The following ACCSL variants were observed in gnomAD, a reference collection of about 807,000 sequenced individuals.
ACCSL encodes probable inactive 1-aminocyclopropane-1-carboxylate synthase-like protein 2.
Under a neutral mutation model 61.7 loss-of-function variants are expected in ACCSL, and 55 were observed. That is an observed-to-expected ratio of 0.89 (90% CI 0.72 to 1.12). The LOEUF (loss-of-function observed/expected upper bound fraction) is 1.12. Ranked by LOEUF, ACCSL falls within the 50% of genes most tolerant of loss-of-function variation. The pLI, the probability that ACCSL is intolerant of heterozygous loss-of-function variation, is 0.00. For missense variants in ACCSL, 632 were observed against 698.0 expected (o/e 0.91, Z 1.07); for synonymous variants, 258 against 264.3 (o/e 0.98, Z 0.23).
At chr11:44,046,951 T>C (rs1952601769), upstream of ACCSL, among the ~76,000 whole-genome samples, 1 of 152,250 alleles carries the variant, frequency 6.6e-6, no homozygotes, top group Admixed American at 6.5e-5. Flanking sequence ...CGTTGGAAGT[T>C]TGTTGCAGTA....
At chr11:43,995,876 G>A in the ACCSL span, among the ~76,000 whole-genome samples, 1 of 152,220 alleles carries the variant, frequency 6.6e-6, no homozygotes, top group Admixed American at 6.5e-5. Context: ...AGATATGGAA[G>A]TCCTCCCCTA....
upstream of ACCSL, among the ~76,000 whole-genome samples, chr11:44,046,417 C>T (rs1048141614): frequency 1.3e-5 from 2 of 152,130 alleles, no homozygotes; most frequent in Admixed American, 6.5e-5. Context: ...TGTGGTTATG[C>T]CTCTCCTACT....
chr11:43,942,865 C>T, the ACCSL span: 6 of 1,248,900 alleles, frequency 4.8e-6, no homozygotes, highest in Middle Eastern at 3.1e-4. Flanking sequence ...CGGAGAGCCC[C>T]GGCGCCCCGC....
chr11:43,934,473 C>T, the ACCSL span, among the ~76,000 whole-genome samples: 3 of 152,294 alleles, frequency 2.0e-5, no homozygotes, highest in African/African-American at 4.8e-5. Flanking sequence ...TCCACACACA[C>T]ACGCGCACAC....
chr11:43,933,827 A>C, the ACCSL span, among the ~76,000 whole-genome samples: 1 of 151,882 alleles, frequency 6.6e-6, no homozygotes, highest in Non-Finnish European at 1.5e-5. Flanking sequence ...CCTGCCCCTG[A>C]CTCCACCCTG....
the ACCSL span, among the ~76,000 whole-genome samples, chr11:43,950,166 C>T: frequency 3.3e-5 from 5 of 152,208 alleles, no homozygotes; most frequent in Admixed American, 1.3e-4. Flanking sequence ...CCCCCACCTT[C>T]GAGTTGTTCC....
the ACCSL span, among the ~76,000 whole-genome samples, chr11:43,962,263 G>A: frequency 1.3e-5 from 2 of 152,190 alleles, no homozygotes; most frequent in South Asian, 2.1e-4. Flanking sequence ...ACGGACTCTT[G>A]GACAAATAAT....
At chr11:44,014,659 G>A in the ACCSL span, among the ~76,000 whole-genome samples, 1 of 152,170 alleles carries the variant, frequency 6.6e-6, no homozygotes, top group Non-Finnish European at 1.5e-5. Context: ...ACCAGGAGAG[G>A]GGATCGTAGG....
chr11:43,969,533 C>T, the ACCSL span, among the ~76,000 whole-genome samples: 1 of 152,140 alleles, frequency 6.6e-6, no homozygotes, highest in African/African-American at 2.4e-5. Flanking sequence ...TAGAAACTAA[C>T]TACATTGCTA....
chr11:43,922,924 T>C, the ACCSL span, among the ~76,000 whole-genome samples: 2 of 152,242 alleles, frequency 1.3e-5, no homozygotes, highest in African/African-American at 2.4e-5. Context: ...GAACACACAC[T>C]TAGCACCAGA....
At chr11:43,963,014 T>C in the ACCSL span, among the ~76,000 whole-genome samples, 31 of 152,344 alleles carry the variant, frequency 2.0e-4, no homozygotes, top group African/African-American at 6.7e-4. Context: ...GGGGTATCTA[T>C]TGTGGCTTTC....
chr11:43,939,185 G>C, the ACCSL span, among the ~76,000 whole-genome samples: 2 of 152,150 alleles, frequency 1.3e-5, no homozygotes, highest in African/African-American at 2.4e-5. Flanking sequence ...GGCTCAATAG[G>C]CATGTGGGCT....
chr11:44,048,032 G>A lies in ACCSL; in HGVS notation c.-5G>A, dbSNP rs934380761. 1.2e-5 allele frequency: 20 copies of A among 1,601,684 alleles called. No individual in the cohort carries two copies. The highest frequency in any genetic ancestry group is 3.3e-5 in the Admixed American group (2 of 59,804). On this transcript the variant is annotated 5_prime_UTR_variant, in exon 1 of 14. Coordinates refer to ENST00000378832, the MANE Select transcript of ACCSL (RefSeq NM_001031854.2). ...CCTTCAGAGGCCAGTAAAGATACCC[G>A]GAGTATGAGTCATCGGTCAGACACC...
At chr11:44,056,648 C>G (rs1013671299) in intron 11 of ACCSL, among the ~76,000 whole-genome samples, 1 of 152,170 alleles carries the variant, frequency 6.6e-6, no homozygotes, top group East Asian at 1.9e-4. Context: ...GCCTGGCCAA[C>G]AAGGTGAAAC....
At chr11:43,955,685 A>T in the ACCSL span, among the ~76,000 whole-genome samples, 3 of 152,094 alleles carry the variant, frequency 2.0e-5, no homozygotes, top group African/African-American at 7.2e-5. Context: ...AAAACTTGAA[A>T]AGACATCTCA....
At chr11:43,990,608 A>T in the ACCSL span, among the ~76,000 whole-genome samples, 1 of 152,236 alleles carries the variant, frequency 6.6e-6, no homozygotes, top group Non-Finnish European at 1.5e-5. Context: ...TAGCTCTGGC[A>T]CATAGCAACT....
the ACCSL span, among the ~76,000 whole-genome samples, chr11:44,037,224 G>A: frequency 6.6e-6 from 1 of 152,196 alleles, no homozygotes; most frequent in Non-Finnish European, 1.5e-5. Flanking sequence ...GGTGGTAGCA[G>A]GAACAGTCGT....
chr11:44,047,891 G>A, upstream of ACCSL: 1 of 1,068,842 alleles, frequency 9.4e-7, no homozygotes, highest in Admixed American at 2.6e-5. Flanking sequence ...AGGCATGGAA[G>A]TGAGAAGAAC....
At chr11:44,007,405 C>G in the ACCSL span, among the ~76,000 whole-genome samples, 1 of 152,280 alleles carries the variant, frequency 6.6e-6, no homozygotes, top group East Asian at 1.9e-4. Context: ...ATGTGGAATC[C>G]GAAGCCATTG....
Sources: gnomAD v4.1 joint callset for allele counts (sites outside exome capture counted in the v4.1 genomes callset) on GRCh38, gnomAD v4.1.1 for gene constraint, MANE v1.5 for transcripts, NCBI Gene and HGNC (gene_info 2026-07-23, HGNC 2026-07-21) for gene names.